The following PBX1 variants were observed in gnomAD, a reference collection of about 807,000 sequenced individuals.
The protein encoded by PBX1 is PBX homeobox 1.
In PBX1, 6 loss-of-function variants were observed where a neutral mutation model predicts 53.4. The ratio of observed to expected loss-of-function variants is 0.11; its 90% CI spans 0.06 to 0.22. The LOEUF (loss-of-function observed/expected upper bound fraction) is 0.22, where lower values mean the gene tolerates loss of function less well. Ranked by LOEUF, PBX1 falls within the 10% of genes least tolerant of loss-of-function variation. The probability of loss-of-function intolerance (pLI) is 1.00; values close to 1 mark genes in which losing one functional copy is unlikely to be tolerated. For missense variants in PBX1, 251 were observed against 551.4 expected (o/e 0.46, Z 5.46); for synonymous variants, 204 against 212.3 (o/e 0.96, Z 0.34).
At chr1:164,618,432 CTT>C (rs71988898) in intron 2 of PBX1, among the ~76,000 whole-genome samples, 16,316 of 151,944 alleles carry the variant, frequency 0.11, 1,183 homozygotes, top group Non-Finnish European at 0.16. Context: ...CTCACTTGCT[CTT>C]GTCTCGGTTT....
At chr1:164,584,920 TTC>T (rs1654851254) in intron 2 of PBX1, among the ~76,000 whole-genome samples, 1 of 152,176 alleles carries the variant, frequency 6.6e-6, no homozygotes, top group Non-Finnish European at 1.5e-5. Context: ...TAAACTAATT[TTC>T]TGTCTGTTCA....
rs772028969 is a variant in PBX1, at chr1:164,851,383, A to G, written c.*4707A>G. ...TGAACACTTGTACTCTTGAAGTCAC[A>G]ACAAAATAATGATGAGCTTTTCACA... On this transcript the variant is annotated 3_prime_UTR_variant, in exon 9 of 9. Coordinates refer to ENST00000420696, the MANE Select transcript of PBX1 (RefSeq NM_002585.4). 4.9e-6 allele frequency: 1 copy of G among 204,706 alleles called. No individual in the cohort carries two copies. The highest frequency in any genetic ancestry group is 1.0e-5 in the Non-Finnish European group (1 of 100,014). 12.7% of individuals were successfully genotyped at this position (204,706 alleles called of 1,614,324 possible).
At chr1:164,628,188 A>C (rs956036598) in intron 2 of PBX1, among the ~76,000 whole-genome samples, 3 of 152,218 alleles carry the variant, frequency 2.0e-5, no homozygotes, top group African/African-American at 4.8e-5. Flanking sequence ...TTACTCTGAA[A>C]GGCTTCACTG....
At chr1:164,562,649 A>G (rs1436652212) in intron 1 of PBX1, among the ~76,000 whole-genome samples, 3 of 152,220 alleles carry the variant, frequency 2.0e-5, no homozygotes, top group African/African-American at 7.2e-5. Flanking sequence ...TTTATTCCCC[A>G]TATGGGTATG....
chr1:164,786,726 C>T (rs896301538), intron 2 of PBX1, among the ~76,000 whole-genome samples: 26 of 144,788 alleles, frequency 1.8e-4, no homozygotes, highest in East Asian at 1.2e-3. Context: ...TGTGTGCGCG[C>T]GCACACACAC....
At chr1:164,606,755 A>G (rs1222748217) in intron 2 of PBX1, among the ~76,000 whole-genome samples, 1 of 152,222 alleles carries the variant, frequency 6.6e-6, no homozygotes, top group Non-Finnish European at 1.5e-5. Context: ...TTATTTAATG[A>G]GTGTATGAAA....
chr1:164,799,409 T>A (rs375742500), intron 3 of PBX1, among the ~76,000 whole-genome samples: 16 of 152,228 alleles, frequency 1.1e-4, no homozygotes, highest in African/African-American at 3.6e-4. Flanking sequence ...GAGAATGGCG[T>A]GAACCCGGGA....
chr1:164,861,923 G>GAAATTTA (rs1421927056), intron 2 of PBX1, among the ~76,000 whole-genome samples: 1 of 152,222 alleles, frequency 6.6e-6, no homozygotes, highest in African/African-American at 2.4e-5. Context: ...AAGACTGTCA[G>GAAATTTA]ATGATGCAGT....
intron 2 of PBX1, among the ~76,000 whole-genome samples, chr1:164,689,179 ATGTT>A (rs1662307693): frequency 6.6e-6 from 1 of 152,234 alleles, no homozygotes; most frequent in Non-Finnish European, 1.5e-5. Context: ...AGTGAAATGA[ATGTT>A]TGTTTATCCT....
chr1:164,620,770 C>T (rs1657616874), intron 2 of PBX1, among the ~76,000 whole-genome samples: 1 of 152,016 alleles, frequency 6.6e-6, no homozygotes, highest in African/African-American at 2.4e-5. Flanking sequence ...GCAACCTCTG[C>T]CTCCCGGGCT....
intron 8 of PBX1, among the ~76,000 whole-genome samples, chr1:164,826,932 G>A (rs1181971230): frequency 6.6e-6 from 1 of 152,166 alleles, no homozygotes; most frequent in African/African-American, 2.4e-5. Flanking sequence ...TAGAAAAATA[G>A]AGATGAAGCT....
intron 2 of PBX1, among the ~76,000 whole-genome samples, chr1:164,871,266 T>C (rs1168473677): frequency 1.3e-5 from 2 of 152,166 alleles, no homozygotes; most frequent in African/African-American, 2.4e-5. Flanking sequence ...GCTCAGAGAA[T>C]AGAGTGCTTT....
At chr1:164,846,231 G>A (rs1361902345) in intron 8 of PBX1, among the ~76,000 whole-genome samples, 2 of 152,064 alleles carry the variant, frequency 1.3e-5, no homozygotes, top group Admixed American at 6.5e-5. Context: ...CTTTACCATC[G>A]ACATTAGCTA....
intron 2 of PBX1, among the ~76,000 whole-genome samples, chr1:164,584,837 C>T (rs900923137): frequency 1.3e-5 from 2 of 151,994 alleles, no homozygotes; most frequent in Admixed American, 6.6e-5. Context: ...TCCTTTTATC[C>T]CCATCCACAG....
At chr1:164,649,139 T>C (rs200926464) in intron 2 of PBX1, among the ~76,000 whole-genome samples, 1 of 152,106 alleles carries the variant, frequency 6.6e-6, no homozygotes, top group African/African-American at 2.4e-5. Flanking sequence ...TTAGGTCCTC[T>C]CCCACCGCCA....
intron 4 of PBX1, among the ~76,000 whole-genome samples, chr1:164,804,441 A>G (rs1296981366): frequency 6.6e-5 from 10 of 152,216 alleles, no homozygotes; most frequent in Admixed American, 6.5e-4. Flanking sequence ...TAAGTTAACT[A>G]AATACTAAAT....
chr1:164,736,922 A>G (rs987144327), intron 2 of PBX1, among the ~76,000 whole-genome samples: 2 of 152,218 alleles, frequency 1.3e-5, no homozygotes, highest in African/African-American at 4.8e-5. Flanking sequence ...GAGCCAAAAA[A>G]TAGATAACAT....
At chr1:164,584,145 A>G (rs538926023) in intron 2 of PBX1, among the ~76,000 whole-genome samples, 1 of 152,276 alleles carries the variant, frequency 6.6e-6, no homozygotes, top group African/African-American at 2.4e-5. Context: ...AGGAATCACA[A>G]ATAATTCACC....
chr1:164,614,060 G>A (rs1250273519), intron 2 of PBX1, among the ~76,000 whole-genome samples: 3 of 152,214 alleles, frequency 2.0e-5, no homozygotes, highest in East Asian at 3.8e-4. Context: ...TGGGGAAGCA[G>A]AAGCACAAAG....
Sources: allele counts gnomAD v4.1 joint callset (sites outside exome capture counted in the v4.1 genomes callset), GRCh38; gene constraint gnomAD v4.1.1; transcripts MANE v1.5; gene names NCBI Gene and HGNC (gene_info 2026-07-23, HGNC 2026-07-21).